MACROD2: variants seen among roughly 807,000 people sequenced by gnomAD.
The protein encoded by MACROD2 is ADP-ribose glycohydrolase MACROD2.
Under a neutral mutation model 70.4 loss-of-function variants are expected in MACROD2, and 36 were observed. The observed-to-expected ratio is 0.51, with a 90% CI of 0.39 to 0.68. The LOEUF (loss-of-function observed/expected upper bound fraction) is 0.68. Ranked by LOEUF, MACROD2 falls within the 30% of genes least tolerant of loss-of-function variation. The probability of loss-of-function intolerance (pLI) is 0.00; values close to 1 mark genes in which losing one functional copy is unlikely to be tolerated. For missense variants in MACROD2, 496 were observed against 538.4 expected, an observed-to-expected ratio of 0.92 and a Z score of 0.78; for synonymous variants, 172 against 178.8, an observed-to-expected ratio of 0.96 and a Z score of 0.30.
At chr20:14,189,149 A>G (rs2081366114) in intron 3 of MACROD2, among the ~76,000 whole-genome samples, 1 of 152,122 alleles carries the variant, frequency 6.6e-6, no homozygotes, top group African/African-American at 2.4e-5. Context: ...TTGAAATTTA[A>G]TGGTACATTA....
chr20:14,678,248 A>C (rs923202092), intron 4 of MACROD2, among the ~76,000 whole-genome samples: 6 of 152,092 alleles, frequency 3.9e-5, no homozygotes, highest in Admixed American at 2.0e-4. Context: ...TGGATGTAGA[A>C]ATAGTTATAT....
intron 5 of MACROD2, chr20:14,893,452 G>A (rs1329251356): frequency 6.6e-6 from 1 of 151,820 alleles, no homozygotes; most frequent in African/African-American, 2.4e-5. Flanking sequence ...GTTACTTTCC[G>A]TTTTTTGATA....
chr20:14,468,842 T>G (rs1397378184), intron 3 of MACROD2, among the ~76,000 whole-genome samples: 1 of 152,118 alleles, frequency 6.6e-6, no homozygotes, highest in East Asian at 1.9e-4. Flanking sequence ...TGTCATTACA[T>G]GGGTCTCCTG....
chr20:14,564,852 A>G lies in MACROD2; in HGVS notation c.301+71344A>G, dbSNP rs1486237231. On this transcript the variant is annotated intron_variant, in intron 4 of 17. Coordinates refer to ENST00000684519, the MANE Select transcript of MACROD2 (RefSeq NM_001351661.2). ...ACTTCTGGGTATGTATCCAAAGGAAAATAAATCATTATATCAAAAAGACCC... is the reference window on the plus strand; with the variant it reads ...ACTTCTGGGTATGTATCCAAAGGAAGATAAATCATTATATCAAAAAGACCC... Among the ~76,000 whole-genome samples the G allele has an allele frequency of 3.3e-5, 5 of 151,976 alleles. No homozygotes were observed. In the South Asian group the frequency reaches 6.2e-4, roughly 19 times the overall value.
intron 3 of MACROD2, among the ~76,000 whole-genome samples, chr20:14,386,017 A>G (rs1316558540): frequency 1.4e-5 from 2 of 138,070 alleles, no homozygotes; most frequent in Non-Finnish European, 3.2e-5. Context: ...GTATGAGCCA[A>G]TACAGCGTAT....
rs2067439503 is a variant in MACROD2, at chr20:16,050,066, A to C, written c.*190A>C. The C allele has an allele frequency of 9.1e-6, 5 of 550,642 alleles. No individual in the cohort carries two copies. The highest frequency in any genetic ancestry group is 1.3e-5 in the Non-Finnish European group (4 of 319,548). The allele number at this position is 550,642 out of a possible 1,614,324, so 34.1% of individuals were successfully genotyped here. A position where few individuals can be genotyped will look rare whatever the true frequency, so the allele number is the denominator to read the frequency against. On this transcript the variant is annotated 3_prime_UTR_variant, in exon 18 of 18. Coordinates refer to ENST00000684519, the MANE Select transcript of MACROD2 (RefSeq NM_001351661.2). ...GAAAAAGAAAGAAAAAAAAGAAAAA[A>C]AAAGTTTCCTTTAATTTGGTGGAGG...
intron 5 of MACROD2, among the ~76,000 whole-genome samples, chr20:15,074,616 T>G (rs1483984634): frequency 6.6e-6 from 1 of 152,190 alleles, no homozygotes; most frequent in Non-Finnish European, 1.5e-5. Context: ...CCTGAACCTG[T>G]GGTATCTGGC....
At chr20:15,432,668 T>C (rs1043749709) in intron 7 of MACROD2, among the ~76,000 whole-genome samples, 3 of 152,194 alleles carry the variant, frequency 2.0e-5, no homozygotes, top group Admixed American at 6.6e-5. Context: ...GCAGAAATGG[T>C]TTTTATTATG....
intron 5 of MACROD2, among the ~76,000 whole-genome samples, chr20:14,766,929 C>T (rs76794703): frequency 7.9e-5 from 12 of 152,218 alleles, no homozygotes; most frequent in African/African-American, 2.9e-4. Context: ...ATAAATGATA[C>T]TTAAATATTT....
chr20:14,729,576 T>C (rs907557680), intron 5 of MACROD2, among the ~76,000 whole-genome samples: 1 of 151,868 alleles, frequency 6.6e-6, no homozygotes, highest in Admixed American at 6.6e-5. Flanking sequence ...AGGTGAGGAG[T>C]GTTTGCAACT....
At chr20:14,135,972 TGCTGGTCC>T (rs1310150331) in intron 3 of MACROD2, among the ~76,000 whole-genome samples, 4 of 152,180 alleles carry the variant, frequency 2.6e-5, no homozygotes, top group Non-Finnish European at 5.9e-5. Flanking sequence ...TTCAACATTA[TGCTGGTCC>T]TAGCCAATGT....
intron 6 of MACROD2, among the ~76,000 whole-genome samples, chr20:15,297,287 T>C (rs1465537346): frequency 1.3e-5 from 2 of 152,222 alleles, no homozygotes; most frequent in Non-Finnish European, 2.9e-5. Flanking sequence ...ACATATGGAC[T>C]TTGGCTCAGG....
intron 3 of MACROD2, among the ~76,000 whole-genome samples, chr20:14,359,066 T>C (rs190433002): frequency 6.6e-6 from 1 of 152,172 alleles, no homozygotes; most frequent in Admixed American, 6.5e-5. Flanking sequence ...TGCCTGCCTG[T>C]AGTCCCAGCT....
At chr20:14,100,397 AAAT>A (rs201270814) in intron 3 of MACROD2, among the ~76,000 whole-genome samples, 1,537 of 151,152 alleles carry the variant, frequency 0.01, 29 homozygotes, top group African/African-American at 0.036. Flanking sequence ...CCTTATTAAT[AAAT>A]AAGATTCGTC....
At chr20:14,511,248 A>T (rs2085026628) in intron 4 of MACROD2, among the ~76,000 whole-genome samples, 1 of 152,008 alleles carries the variant, frequency 6.6e-6, no homozygotes, top group African/African-American at 2.4e-5. Flanking sequence ...TTAATTGTAC[A>T]CTTAAAAATA....
chr20:15,551,378 C>T (rs7264397), intron 8 of MACROD2, among the ~76,000 whole-genome samples: 16,188 of 150,496 alleles, frequency 0.11, 991 homozygotes, highest in Admixed American at 0.17. Flanking sequence ...TTTGTCACCT[C>T]GTTTTTCATT....
chr20:15,251,076 C>T (rs934957669), intron 6 of MACROD2, among the ~76,000 whole-genome samples: 18 of 152,066 alleles, frequency 1.2e-4, no homozygotes, highest in African/African-American at 4.1e-4. Context: ...TAGGCAAGGG[C>T]CAGCAGGGAA....
At chr20:15,715,680 G>A (rs1270056189) in intron 8 of MACROD2, among the ~76,000 whole-genome samples, 4 of 152,072 alleles carry the variant, frequency 2.6e-5, no homozygotes, top group Admixed American at 2.6e-4. Flanking sequence ...CTCTTTATCA[G>A]CACTTCATTT....
intron 5 of MACROD2, among the ~76,000 whole-genome samples, chr20:15,099,207 AATGAAT>A (rs1161327946): frequency 6.6e-6 from 1 of 152,168 alleles, no homozygotes; most frequent in Admixed American, 6.6e-5. Flanking sequence ...ACTGCTATGG[AATGAAT>A]ATTCGTGTGT....
Sources: gnomAD v4.1 joint callset for allele counts (sites outside exome capture counted in the v4.1 genomes callset) on GRCh38, gnomAD v4.1.1 for gene constraint, MANE v1.5 for transcripts, NCBI Gene and HGNC (gene_info 2026-07-23, HGNC 2026-07-21) for gene names.